CSMD1: variants seen among roughly 807,000 people sequenced by gnomAD.
CSMD1 encodes the protein CUB and sushi domain-containing protein 1.
CSMD1 carries 213 observed loss-of-function variants against 417.5 expected under a neutral mutation model. That is an observed-to-expected ratio of 0.51 (90% CI 0.46 to 0.57). The LOEUF (loss-of-function observed/expected upper bound fraction) is 0.57. Among genes scored for constraint, CSMD1 ranks in the 20% least tolerant of loss-of-function variants. The probability of loss-of-function intolerance (pLI) is 0.00; values close to 1 mark genes in which losing one functional copy is unlikely to be tolerated. For synonymous variants in CSMD1, 2,862 were observed against 1,736.8 expected, an observed-to-expected ratio of 1.65 and a Z score of -16.11; for missense variants, 6,923 against 4,529.7, an observed-to-expected ratio of 1.53 and a Z score of -15.17.
intron 5 of CSMD1, among the ~76,000 whole-genome samples, chr8:3,966,540 T>G (rs1812688310): frequency 1.3e-5 from 2 of 152,194 alleles, no homozygotes. Flanking sequence ...TTCTTTTGTT[T>G]CAGGTTTATT....
At chr8:4,924,146 G>C (rs948483246) in intron 1 of CSMD1, among the ~76,000 whole-genome samples, 2 of 152,138 alleles carry the variant, frequency 1.3e-5, no homozygotes, top group South Asian at 4.1e-4. Flanking sequence ...TAAACATCCA[G>C]ACACTCGATG....
intron 3 of CSMD1, among the ~76,000 whole-genome samples, chr8:4,314,179 C>G (rs1798793946): frequency 6.6e-6 from 1 of 152,036 alleles, no homozygotes; most frequent in African/African-American, 2.4e-5. Context: ...GCATCTCATT[C>G]CTTGGTTCCC....
intron 5 of CSMD1, among the ~76,000 whole-genome samples, chr8:3,829,029 A>T (rs4993885): frequency 0.013 from 776 of 60,968 alleles, 4 homozygotes; most frequent in Non-Finnish European, 0.019. Context: ...TTTTTTTTTA[A>T]AAAAATGTAT....
At chr8:3,562,092 C>T (rs903697495) in intron 10 of CSMD1, among the ~76,000 whole-genome samples, 5 of 150,368 alleles carry the variant, frequency 3.3e-5, no homozygotes, top group Admixed American at 1.3e-4. Context: ...TACCTTCTTA[C>T]AGATGAACAT....
intron 3 of CSMD1, among the ~76,000 whole-genome samples, chr8:4,133,618 G>C (rs1205824778): frequency 1.3e-5 from 2 of 152,096 alleles, no homozygotes; most frequent in African/African-American, 2.4e-5. Flanking sequence ...GCTAAGCATT[G>C]TACTAGCAAT....
At chr8:4,976,555 C>G (rs988325173) in intron 1 of CSMD1, among the ~76,000 whole-genome samples, 2 of 152,124 alleles carry the variant, frequency 1.3e-5, no homozygotes, top group African/African-American at 4.8e-5. Flanking sequence ...ATTATTGGGA[C>G]TGATTTGTTG....
chr8:3,411,874 G>A (rs1281786450), intron 12 of CSMD1, among the ~76,000 whole-genome samples: 7 of 101,086 alleles, frequency 6.9e-5, no homozygotes, highest in African/African-American at 1.9e-4. Flanking sequence ...ATATATGCAC[G>A]TATATATACA....
intron 1 of CSMD1, among the ~76,000 whole-genome samples, chr8:4,641,875 A>G (rs1803215766): frequency 6.6e-6 from 1 of 152,254 alleles, no homozygotes. Context: ...AGTATTAAGT[A>G]GCAATTGGAA....
chr8:4,857,477 A>G (rs1038015803), intron 1 of CSMD1, among the ~76,000 whole-genome samples: 3 of 152,214 alleles, frequency 2.0e-5, no homozygotes, highest in African/African-American at 4.8e-5. Flanking sequence ...TGAATCCAGG[A>G]GCTCGTTTTT....
chr8:3,895,182 G>A (rs1206431379), intron 5 of CSMD1, among the ~76,000 whole-genome samples: 1 of 152,176 alleles, frequency 6.6e-6, no homozygotes, highest in Non-Finnish European at 1.5e-5. Context: ...CACCAACAAA[G>A]TTTCCTGTTA....
At chr8:3,028,933 T>C (rs1243003524) in intron 51 of CSMD1, among the ~76,000 whole-genome samples, 1 of 152,220 alleles carries the variant, frequency 6.6e-6, no homozygotes, top group Non-Finnish European at 1.5e-5. Flanking sequence ...AAAACAGTCT[T>C]TATTTGAGAA....
At chr8:4,431,273 C>A (rs1336539245) in intron 2 of CSMD1, among the ~76,000 whole-genome samples, 2 of 151,920 alleles carry the variant, frequency 1.3e-5, no homozygotes, top group African/African-American at 2.4e-5. Context: ...TAATAATATG[C>A]AAATTTATTT....
At chr8:4,823,221 A>C (rs965610181) in intron 1 of CSMD1, among the ~76,000 whole-genome samples, 1 of 152,018 alleles carries the variant, frequency 6.6e-6, no homozygotes, top group Non-Finnish European at 1.5e-5. Flanking sequence ...CCAAATGTCT[A>C]AACTCTTTAA....
At chr8:3,652,161 G>C (rs893722526) in intron 7 of CSMD1, among the ~76,000 whole-genome samples, 3 of 146,580 alleles carry the variant, frequency 2.0e-5, no homozygotes, top group African/African-American at 7.7e-5. Context: ...ACCACCATCA[G>C]AGCGCTTACC....
At position 2,978,678 on chromosome 8, in the gene CSMD1, G is replaced by C. The variant is rs763688787; in HGVS notation, c.8500C>G (p.Leu2834Val). ...ATACAGGTCAAGGCTGAAGATCCCA[G>C]CAAGTAAAATCCCTTCTTGCAATGG... Reference protein sequence around the residue: ...LYHCKKGFYLLGSSALTCMAN... With the variant: ...LYHCKKGFYLVGSSALTCMAN... Residue 2834 changes from leucine (L) to valine (V), a missense_variant, in exon 55 of 70, where the codon CTG becomes GTG. By Grantham distance (32) the Leu-to-Val change is conservative. Transcript: ENST00000635120. The C allele has an allele frequency of 9.9e-6, 16 of 1,610,506 alleles. No individual in the cohort carries two copies. Among genetic ancestry groups the C allele is most frequent in the Non-Finnish European group, 1.4e-5 (16 of 1,178,338 alleles).
At chr8:2,957,397 G>C (rs988951462) in intron 63 of CSMD1, among the ~76,000 whole-genome samples, 2 of 152,088 alleles carry the variant, frequency 1.3e-5, no homozygotes, top group African/African-American at 4.8e-5. Flanking sequence ...AGACTTTACA[G>C]TGCCTGAGAA....
intron 52 of CSMD1, among the ~76,000 whole-genome samples, chr8:3,014,203 G>A (rs1485761493): frequency 5.6e-5 from 2 of 35,934 alleles, no homozygotes; most frequent in Non-Finnish European, 1.1e-4. Flanking sequence ...TTTTGATTCA[G>A]AAACATTTCT....
At chr8:3,418,843 T>C (rs938159361) in intron 12 of CSMD1, among the ~76,000 whole-genome samples, 3 of 152,216 alleles carry the variant, frequency 2.0e-5, no homozygotes, top group African/African-American at 7.2e-5. Flanking sequence ...AATTTTTCCT[T>C]TTTAATATTA....
At chr8:4,041,206 A>G (rs772210557) in intron 3 of CSMD1, among the ~76,000 whole-genome samples, 2 of 151,472 alleles carry the variant, frequency 1.3e-5, no homozygotes, top group Non-Finnish European at 2.9e-5. Flanking sequence ...TTTGGTAGAG[A>G]CGGGGTTTCA....
Sources: allele counts gnomAD v4.1 joint callset (sites outside exome capture counted in the v4.1 genomes callset), GRCh38; gene constraint gnomAD v4.1.1; transcripts MANE v1.5; gene names NCBI Gene and HGNC (gene_info 2026-07-23, HGNC 2026-07-21).